PTK7: variants seen among roughly 807,000 people sequenced by gnomAD.
The protein encoded by PTK7 is inactive tyrosine-protein kinase 7.
In PTK7, 39 loss-of-function variants were observed where a neutral mutation model predicts 116.6. That is an observed-to-expected ratio of 0.33 (90% CI 0.26 to 0.44). PTK7 has a LOEUF of 0.44. Among genes scored for constraint, PTK7 ranks in the 20% least tolerant of loss-of-function variants. The probability of loss-of-function intolerance (pLI) is 1.00; values close to 1 mark genes in which losing one functional copy is unlikely to be tolerated. For missense variants in PTK7, 1,169 were observed against 1,425.6 expected, an observed-to-expected ratio of 0.82 and a Z score of 2.90; for synonymous variants, 546 against 563.6, an observed-to-expected ratio of 0.97 and a Z score of 0.44.
chr6:43,096,253 T>C (rs1767245772), intron 1 of PTK7, among the ~76,000 whole-genome samples: 1 of 152,172 alleles, frequency 6.6e-6, no homozygotes, highest in African/African-American at 2.4e-5. Flanking sequence ...AGAAATTAGT[T>C]AAAAGTTGCT....
At position 43,139,156 on chromosome 6, in the gene PTK7, C is replaced by G; in HGVS notation, c.1383C>G (p.Phe461Leu). 1.2e-6 allele frequency: 2 copies of G among 1,614,218 alleles called. No individual in the cohort carries two copies. The highest frequency in any genetic ancestry group is 1.7e-6 in the Non-Finnish European group (2 of 1,180,042). The change falls in exon 9 of 20, where the codon TTC becomes TTG. Residue 461 changes from phenylalanine (F) to leucine (L), a missense_variant. By Grantham distance (22) the Phe-to-Leu change is conservative. Around this residue, in one of 3 missense-constraint regions of PTK7, gnomAD observed 678 missense variants for 853.8 expected, o/e 0.79. Coordinates refer to ENST00000230419, the MANE Select transcript of PTK7 (RefSeq NM_002821.5). The surrounding 1 kb of genome is among the most constrained non-coding windows in gnomAD (Gnocchi z 4.6). The stretch of plus-strand genomic sequence containing the variant: ...TGCAGGACTCACGGTTCGAGGTCTT[C>G]AAGAATGGGACCTTGCGCATCAACA... ...LISEDSRFEV[F>L]KNGTLRINSV...
intron 17 of PTK7, 92 bp from the exon 18 acceptor site, chr6:43,158,725 A>G: frequency 1.4e-6 from 2 of 1,379,714 alleles, no homozygotes; most frequent in Non-Finnish European, 2.0e-6. Flanking sequence ...CAGCACACCA[A>G]TAGTGTTGAA....
chr6:43,079,932 G>A (rs528923363), intron 1 of PTK7, among the ~76,000 whole-genome samples: 163 of 151,444 alleles, frequency 1.1e-3, no homozygotes, highest in African/African-American at 3.7e-3. Context: ...ATGGTGGCAC[G>A]TGCCTGTGGT....
At chr6:43,128,930 G>A (rs1215727016) in intron 1 of PTK7, 47 bp from the exon 2 acceptor site, 43 of 1,556,200 alleles carry the variant, frequency 2.8e-5, no homozygotes, top group Non-Finnish European at 3.3e-5. Context: ...TTAGGACAGA[G>A]GCTGCAGCTC....
rs1770415712 is a variant in PTK7, at chr6:43,141,684, A to C, written c.1635A>C (p.Pro545=). Residue 545 remains proline (P), a synonymous_variant, in exon 11 of 20, where the codon CCA becomes CCC. Transcript: ENST00000230419. The surrounding 1 kb of genome is among the most constrained non-coding windows in gnomAD (Gnocchi z 4.9). ...CCCCTGCAGATGGGAGCAGCCTCCC[A>C]GAGTGGGTGACAGACAACGCTGGGA... ...KWERADGSSL[P]EWVTDNAGTL... 1 of 1,614,134 alleles carries C rather than the reference A, an allele frequency of 6.2e-7. No homozygotes were observed. Among genetic ancestry groups the C allele is most frequent in the Admixed American group, 1.7e-5 (1 of 60,024 alleles).
chr6:43,110,450 G>A (rs551517683), intron 1 of PTK7, among the ~76,000 whole-genome samples: 1 of 150,858 alleles, frequency 6.6e-6, no homozygotes, highest in Admixed American at 6.6e-5. Context: ...TTTGCTCTTA[G>A]TGCCCAGGCT....
intron 1 of PTK7, among the ~76,000 whole-genome samples, chr6:43,096,510 A>G (rs1767264240): frequency 6.6e-6 from 1 of 152,176 alleles, no homozygotes; most frequent in African/African-American, 2.4e-5. Flanking sequence ...ACTAAGCCCC[A>G]TTCCTTAGAT....
chr6:43,123,229 A>G (rs981257979), intron 1 of PTK7, among the ~76,000 whole-genome samples: 1 of 152,218 alleles, frequency 6.6e-6, no homozygotes, highest in Non-Finnish European at 1.5e-5. Flanking sequence ...TGCTGGGATT[A>G]CAGGCGTGAG....
At position 43,143,636 on chromosome 6, in the gene PTK7, C is replaced by T. The variant is rs774662808; in HGVS notation, c.2251+16C>T. 1.0e-5 allele frequency: 16 copies of T among 1,605,982 alleles called. No homozygotes were observed. The highest frequency in any genetic ancestry group is 8.9e-5 in the East Asian group (4 of 44,746). ...TGCCTCAACGGTGAGGGGCCCTGGA[C>T]GGGGAGGTGGTGCCCGTGTGCGGGA... On this transcript the variant is annotated intron_variant, in intron 14 of 19. Transcript: ENST00000230419. The surrounding 1 kb of genome is among the most constrained non-coding windows in gnomAD (Gnocchi z 4.2).
At chr6:43,107,123 T>C (rs1052899110) in intron 1 of PTK7, among the ~76,000 whole-genome samples, 2 of 149,374 alleles carry the variant, frequency 1.3e-5, no homozygotes, top group African/African-American at 2.5e-5. Context: ...GATTTTCACC[T>C]TGTGGGCCAG....
chr6:43,079,896 C>CA (rs757923431), intron 1 of PTK7, among the ~76,000 whole-genome samples: 2,918 of 61,968 alleles, frequency 0.047, 43 homozygotes, highest in Middle Eastern at 0.081. Flanking sequence ...TCCACCTGTA[C>CA]AAAAAAAAAA....
Position 43,141,954 on chromosome 6 carries a change from C to T in PTK7, c.1792C>T (p.Pro598Ser). The T allele has an allele frequency of 6.2e-7, 1 of 1,610,836 alleles. No homozygotes were observed. Among genetic ancestry groups the T allele is most frequent in the Non-Finnish European group, 8.5e-7 (1 of 1,178,326 alleles). The change falls in exon 12 of 20, where the codon CCA becomes TCA. Residue 598 changes from proline to serine, a missense_variant. By Grantham distance (74) the Pro-to-Ser change is moderately conservative. This residue lies in a region of PTK7 where 678 missense variants were observed against 853.8 expected (regional missense o/e 0.79). Coordinates refer to ENST00000230419, the MANE Select transcript of PTK7 (RefSeq NM_002821.5). This position sits in a 1 kb window ranked among gnomAD's most constrained non-coding sequence, Gnocchi z 4.9. ...AGTTTTTATCACCTTCAAAGTGGAA[C>T]CAGAGCGTACGACTGTGTACCAGGG... ...VAVFITFKVE[P>S]ERTTVYQGHT...
intron 5 of PTK7, among the ~76,000 whole-genome samples, chr6:43,131,028 A>ATC (rs1769640201): frequency 1.1e-5 from 1 of 88,388 alleles, no homozygotes; most frequent in Non-Finnish European, 2.3e-5. Flanking sequence ...TGGCAAAGAC[A>ATC]TCACACACAC....
chr6:43,089,333 G>C (rs1766822801), intron 1 of PTK7, among the ~76,000 whole-genome samples: 1 of 152,176 alleles, frequency 6.6e-6, no homozygotes, highest in Non-Finnish European at 1.5e-5. Flanking sequence ...CTAGTGATCT[G>C]ATTCCATTGT....
intron 6 of PTK7, 105 bp downstream of exon 6, chr6:43,132,269 G>A: frequency 2.7e-6 from 4 of 1,507,844 alleles, no homozygotes; most frequent in East Asian, 4.5e-5. Context: ...GAGGGCAGGG[G>A]AAGAAAAGGA....
At position 43,145,946 on chromosome 6, in the gene PTK7, C is replaced by A; in HGVS notation, c.2640+514C>A. Reference sequence around the variant, plus strand: ...CTTCATTCCCCAGCTGGTCCTTGCCCTCACCCCATGGTCCTCAAACTGCTG... The same window carrying A: ...CTTCATTCCCCAGCTGGTCCTTGCCATCACCCCATGGTCCTCAAACTGCTG... On this transcript the variant is annotated intron_variant, in intron 16 of 19. Transcript: ENST00000230419. The surrounding 1 kb of genome is among the most constrained non-coding windows in gnomAD (Gnocchi z 4.8). 7.0e-6 allele frequency: 1 copy of A among 143,116 alleles called. No homozygotes were observed. Among genetic ancestry groups the A allele is most frequent in the Non-Finnish European group, 1.6e-5 (1 of 61,614 alleles). 8.9% of individuals were successfully genotyped at this position (143,116 alleles called of 1,614,324 possible).
intron 1 of PTK7, among the ~76,000 whole-genome samples, chr6:43,120,254 T>C (rs892713317): frequency 6.6e-6 from 1 of 152,212 alleles, no homozygotes; most frequent in Non-Finnish European, 1.5e-5. Context: ...GGGTATTTAC[T>C]GCGTGTCCCA....
At chr6:43,144,251 G>A in intron 14 of PTK7, 200 bp from the exon 15 acceptor site, 1 of 619,552 alleles carries the variant, frequency 1.6e-6, no homozygotes, top group Non-Finnish European at 2.8e-6. Context: ...TCACTAAGGG[G>A]TCATACCCTA....
Position 43,145,252 on chromosome 6 carries a change from G to A in PTK7, c.2460G>A (p.Glu820=), listed in dbSNP as rs200137758. ...VFLAKAQGLE[E]GVAETLVLVK... is the part of the protein sequence containing the mutation. ...TGGCAAAGGCTCAGGGCTTGGAGGA[G>A]GGAGTGGCAGAGACCCTGGTACTTG... Residue 820 remains glutamate, a synonymous_variant, in exon 16 of 20, where the codon GAG becomes GAA. Transcript: ENST00000230419. The surrounding 1 kb of genome is among the most constrained non-coding windows in gnomAD (Gnocchi z 4.8). 3.9e-5 allele frequency: 63 copies of A among 1,613,762 alleles called. No individual in the cohort carries two copies. The Admixed American group carries it at 7.5e-4, about 19-fold the overall frequency.
Sources: allele counts gnomAD v4.1 joint callset (sites outside exome capture counted in the v4.1 genomes callset), GRCh38; gene constraint gnomAD v4.1.1; regional missense constraint gnomAD v4.1.1; non-coding constraint Gnocchi (gnomAD v3.1); transcripts MANE v1.5; gene names NCBI Gene and HGNC (gene_info 2026-07-23, HGNC 2026-07-21).